Variants in MED30 observed in about 807,000 individuals in gnomAD.
MED30 encodes the protein mediator of RNA polymerase II transcription subunit 30.
MED30 carries 8 observed loss-of-function variants against 21.7 expected under a neutral mutation model. That is an observed-to-expected ratio of 0.37 (90% CI 0.22 to 0.67). The LOEUF (loss-of-function observed/expected upper bound fraction) is 0.67, where lower values mean the gene tolerates loss of function less well. MED30 is among the 30% of genes least tolerant of loss of function. The pLI, the probability that MED30 is intolerant of heterozygous loss-of-function variation, is 0.58. For synonymous variants in MED30, 79 were observed against 86.7 expected, an observed-to-expected ratio of 0.91 and a Z score of 0.49; for missense variants, 203 against 228.2, an observed-to-expected ratio of 0.89 and a Z score of 0.71.
rs1265126215 is a variant in MED30, at chr8:117,520,742, G to C, written c.-135G>C. The C allele has an allele frequency of 3.5e-6, 3 of 856,884 alleles. No homozygotes were observed. The African/African-American group carries it at 5.3e-5, about 15-fold the overall frequency. The allele number at this position is 856,884 out of a possible 1,614,324, so 53.1% of individuals were successfully genotyped here. The stretch of plus-strand genomic sequence containing the variant: ...TACGTCACAGTGGGCGGAAGTCGCG[G>C]CCGCTGTTTTGAAATCGGGCCGCGG... On this transcript the variant is annotated 5_prime_UTR_variant, in exon 1 of 4. Transcript: ENST00000297347.
intron 3 of MED30, among the ~76,000 whole-genome samples, chr8:117,531,348 G>A (rs1818789966): frequency 6.6e-6 from 1 of 152,008 alleles, no homozygotes; most frequent in Non-Finnish European, 1.5e-5. Context: ...AAAGGTGTCA[G>A]TTCATTCTGG....
intron 3 of MED30, among the ~76,000 whole-genome samples, chr8:117,539,678 C>A (rs925321399): frequency 4.6e-5 from 7 of 152,182 alleles, no homozygotes; most frequent in Non-Finnish European, 8.8e-5. Context: ...GGGCCATAGA[C>A]CTCTGCAGGC....
At chr8:117,529,451 A>G (rs112209241) in intron 2 of MED30, among the ~76,000 whole-genome samples, 45 of 152,116 alleles carry the variant, frequency 3.0e-4, no homozygotes, top group African/African-American at 1.1e-3. Context: ...AATGTGGCCT[A>G]CATCGTCAGA....
At chr8:117,526,017 TC>T (rs1289277978) in intron 1 of MED30, among the ~76,000 whole-genome samples, 1 of 152,130 alleles carries the variant, frequency 6.6e-6, no homozygotes, top group East Asian at 1.9e-4. Flanking sequence ...CATGCAGTAT[TC>T]TTTTTCTGTT....
chr8:117,523,195 C>CTTT, intron 1 of MED30: 1 of 599,238 alleles, frequency 1.7e-6, no homozygotes, highest in Non-Finnish European at 2.8e-6. Flanking sequence ...TCAAAGCCAA[C>CTTT]TTTTTTTTTT....
chr8:117,535,960 A>ATGAT (rs1818872823), intron 3 of MED30, among the ~76,000 whole-genome samples: 2 of 152,258 alleles, frequency 1.3e-5, no homozygotes, highest in South Asian at 2.1e-4. Context: ...AAGTTTTGAA[A>ATGAT]TGATTGGCAA....
At chr8:117,534,453 A>T (rs1818837680) in intron 3 of MED30, among the ~76,000 whole-genome samples, 1 of 152,054 alleles carries the variant, frequency 6.6e-6, no homozygotes, top group Non-Finnish European at 1.5e-5. Flanking sequence ...CCTTTGATTA[A>T]ATGACTTGGA....
intron 1 of MED30, among the ~76,000 whole-genome samples, chr8:117,526,334 A>G (rs1306003630): frequency 6.6e-6 from 1 of 152,044 alleles, no homozygotes; most frequent in South Asian, 2.1e-4. Flanking sequence ...AACAGTGTTC[A>G]CTTACAGAAT....
chr8:117,537,838 A>AAAG (rs964002393), intron 3 of MED30, among the ~76,000 whole-genome samples: 13 of 152,204 alleles, frequency 8.5e-5, no homozygotes, highest in African/African-American at 2.9e-4. Flanking sequence ...GGGTATGCAG[A>AAAG]AAGTACAACT....
Position 117,528,800 on chromosome 8 carries a change from T to C in MED30, c.327T>C (p.Ile109=). Residue 109 remains isoleucine, a synonymous_variant, in exon 2 of 4, where the codon ATT becomes ATC. Transcript: ENST00000297347. ...AAAACTGTGGTGGGATGGATCCCAT[T>C]CCAGTCGAGGTAATTTTTTGTGATA... The part of the protein sequence containing the change: ...CNENCGGMDP[I]PVEQLIPYVE... 1 of 1,599,020 alleles carries C rather than the reference T, an allele frequency of 6.3e-7. No individual in the cohort carries two copies.
At position 117,520,962 on chromosome 8, in the gene MED30, ACACGGCGTCGCTGTGCCGCATCGGG is replaced by A; in HGVS notation, c.89_113del (p.Thr30ArgfsTer18). On this transcript the variant is annotated frameshift_variant, in exon 1 of 4. Coordinates refer to ENST00000297347, the MANE Select transcript of MED30 (RefSeq NM_080651.4). LOFTEE classifies it high-confidence loss of function. The stretch of plus-strand genomic sequence containing the variant: ...GCTCAGCAGGCCGCCCGGGAAGTCA[ACACGGCGTCGCTGTGCCGCATCGGG>A]CAGGAGACAGTGCAGGACATCGTGT... 1 of 1,613,004 alleles carries A rather than the reference ACACGGCGTCGCTGTGCCGCATCGGG, an allele frequency of 6.2e-7. No homozygotes were observed. Among genetic ancestry groups the A allele is most frequent in the South Asian group, 1.1e-5 (1 of 91,038 alleles).
intron 1 of MED30, chr8:117,523,457 C>T: frequency 6.3e-7 from 1 of 1,579,276 alleles, no homozygotes; most frequent in South Asian, 1.1e-5. Context: ...TGAGGCCTGC[C>T]AGTCTCTGGA....
chr8:117,520,929 G>A lies in MED30; in HGVS notation c.53G>A (p.Gly18Glu). Residue 18 changes from glycine to glutamate, a missense_variant, in exon 1 of 4, where the codon GGG (glycine) becomes GAG (glutamate). Physicochemically the swap from Gly to Glu is moderately conservative, Grantham distance 98. Transcript: ENST00000297347. ...ASGMAPGPFA[G>E]PQAQQAAREV... ...GGGATGGCGCCCGGGCCCTTCGCCG[G>A]GCCCCAGGCTCAGCAGGCCGCCCGG... is the stretch of plus-strand genomic sequence containing the variant. 6.2e-7 allele frequency: 1 copy of A among 1,611,000 alleles called. No homozygotes were observed. Among genetic ancestry groups the A allele is most frequent in the Non-Finnish European group, 8.5e-7 (1 of 1,178,784 alleles).
intron 1 of MED30, among the ~76,000 whole-genome samples, chr8:117,522,443 A>AT (rs1818640751): frequency 6.6e-6 from 1 of 152,160 alleles, no homozygotes; most frequent in Non-Finnish European, 1.5e-5. Flanking sequence ...TTGCTGACCC[A>AT]TTTTTAATGC....
chr8:117,523,673 G>A lies in MED30; in HGVS notation c.177+2620G>A. On this transcript the variant is annotated intron_variant, in intron 1 of 3. Transcript: ENST00000297347. ...TTGTCTGCCAGCTCCGGGTGCTTAG[G>A]CATGTGGAATCCTCCTTGGCCACCA... The A allele has an allele frequency of 1.9e-6, 3 of 1,591,936 alleles. 1 individual carries two copies. Among genetic ancestry groups the A allele is most frequent in the Non-Finnish European group, 8.6e-7 (1 of 1,165,882 alleles).
At chr8:117,539,317 C>T (rs1430440601) in intron 3 of MED30, among the ~76,000 whole-genome samples, 2 of 152,066 alleles carry the variant, frequency 1.3e-5, no homozygotes, top group Admixed American at 6.6e-5. Flanking sequence ...GCAAAACCTC[C>T]TCTCTACTAA....
intron 3 of MED30, among the ~76,000 whole-genome samples, chr8:117,537,733 G>A (rs554004670): frequency 2.0e-5 from 3 of 152,268 alleles, no homozygotes; most frequent in Non-Finnish European, 4.4e-5. Flanking sequence ...TTTCAGTGGT[G>A]AGACCATTGT....
chr8:117,539,768 A>T, intron 3 of MED30, 115 bp from the exon 4 acceptor site: 1 of 662,710 alleles, frequency 1.5e-6, no homozygotes, highest in Admixed American at 2.6e-5. Flanking sequence ...TTATAGGGTT[A>T]TTTAGCTTAA....
In MED30 at chr8:117,528,635, TG is replaced by T. The variant is rs1818753853; in HGVS notation, c.178-15del. The T allele has an allele frequency of 6.5e-7, 1 of 1,545,540 alleles. No homozygotes were observed. Among genetic ancestry groups the T allele is most frequent in the Non-Finnish European group, 8.7e-7 (1 of 1,150,072 alleles). On this transcript the variant is annotated splice_polypyrimidine_tract_variant and intron_variant, in intron 1 of 3. Transcript: ENST00000297347. ...TTCATTACTTGATATTTTTATTCTT[TG>T]TTTTTCCTGATAAGCTGCCAAATGG...
Sources: allele counts gnomAD v4.1 joint callset (sites outside exome capture counted in the v4.1 genomes callset), GRCh38; gene constraint gnomAD v4.1.1; transcripts MANE v1.5; gene names NCBI Gene and HGNC (gene_info 2026-07-23, HGNC 2026-07-21).